Variants in EZR observed in about 807,000 individuals in gnomAD.
EZR encodes cytovillin 2.
Under a neutral mutation model 74.8 loss-of-function variants are expected in EZR, and 40 were observed. The ratio of observed to expected loss-of-function variants is 0.53; its 90% CI spans 0.42 to 0.70. EZR has a LOEUF of 0.70. Ranked by LOEUF, EZR falls within the 30% of genes least tolerant of loss-of-function variation. The pLI, the probability that EZR is intolerant of heterozygous loss-of-function variation, is 0.00. For missense variants in EZR, 678 were observed against 755.8 expected (o/e 0.90, Z 1.21); for synonymous variants, 341 against 283.3 (o/e 1.20, Z -2.05).
intron 7 of EZR, among the ~76,000 whole-genome samples, chr6:158,780,488 G>C (rs1402088585): frequency 6.6e-6 from 1 of 152,168 alleles, no homozygotes; most frequent in African/African-American, 2.4e-5. Flanking sequence ...AAAGAGACGT[G>C]AGAAAGCAAG....
chr6:158,804,178 CTAAT>C (rs1446804850), intron 2 of EZR, among the ~76,000 whole-genome samples: 6 of 151,998 alleles, frequency 3.9e-5, no homozygotes, highest in African/African-American at 7.3e-5. Flanking sequence ...GTGAGTGTCT[CTAAT>C]TAAGAACCAA....
chr6:158,809,069 C>T (rs999888221), intron 2 of EZR, among the ~76,000 whole-genome samples: 3 of 152,224 alleles, frequency 2.0e-5, no homozygotes, highest in Non-Finnish European at 4.4e-5. Context: ...TGCACTCGTG[C>T]TTGAGCAACA....
At position 158,765,936 on chromosome 6, in the gene EZR, AAC is replaced by A. The variant is rs1790762353; in HGVS notation, c.*976_*977del. ...GACTGCAAACAAACAAACACAAGCA[AAC>A]AGAGTCTCTTCACAGCTGGAGTCTG... is the stretch of plus-strand genomic sequence containing the variant. On this transcript the variant is annotated 3_prime_UTR_variant, in exon 14 of 14. Transcript: ENST00000367075. The A allele has an allele frequency of 6.7e-6, 1 of 150,146 alleles. No individual in the cohort carries two copies. The highest frequency in any genetic ancestry group is 2.1e-4 in the South Asian group (1 of 4,812). 9.3% of individuals were successfully genotyped at this position (150,146 alleles called of 1,614,324 possible).
intron 3 of EZR, among the ~76,000 whole-genome samples, chr6:158,787,741 A>C (rs986949243): frequency 2.6e-5 from 4 of 152,236 alleles, no homozygotes; most frequent in African/African-American, 9.6e-5. Context: ...AGGCAGGAAA[A>C]CAGGCAAGGC....
At chr6:158,798,241 C>T (rs779739265) in intron 2 of EZR, among the ~76,000 whole-genome samples, 85 of 116,660 alleles carry the variant, frequency 7.3e-4, no homozygotes, top group Non-Finnish European at 1.5e-3. Context: ...GGACATTTAA[C>T]TTGCTCCTTG....
chr6:158,771,120 TG>T, intron 9 of EZR, 123 bp downstream of exon 9: 1 of 1,415,298 alleles, frequency 7.1e-7, no homozygotes, highest in Non-Finnish European at 9.5e-7. Flanking sequence ...GATCCCAGCG[TG>T]GTGACTGGGT....
chr6:158,769,786 G>T lies in EZR; in HGVS notation c.1249C>A (p.Leu417Met), dbSNP rs900927046. Residue 417 changes from leucine (L) to methionine (M), a missense_variant and splice_region_variant, in exon 11 of 14, where the codon CTG becomes ATG. This residue lies in a region of EZR where 342 missense variants were observed against 341.2 expected (regional missense o/e 1.00). Transcript: ENST00000367075. ...AVDQIKSQEQ[L>M]AAELAEYTAK... ...CTTGAAACTCAGGCCATTCCTACCA[G>T]CTGCTCCTGGCTCTTTATCTGATCC... The T allele has an allele frequency of 6.2e-7, 1 of 1,613,722 alleles. No homozygotes were observed. The highest frequency in any genetic ancestry group is 1.1e-5 in the South Asian group (1 of 91,078).
At chr6:158,803,582 C>CATATATAT (rs60495898) in intron 2 of EZR, among the ~76,000 whole-genome samples, 2 of 43,662 alleles carry the variant, frequency 4.6e-5, no homozygotes, top group Non-Finnish European at 9.9e-5. Context: ...TATATATATA[C>CATATATAT]ATATATATAT....
intron 1 of EZR, among the ~76,000 whole-genome samples, chr6:158,818,397 G>A (rs1247412182): frequency 3.3e-5 from 5 of 151,382 alleles, no homozygotes; most frequent in African/African-American, 1.2e-4. Context: ...GCGCCCAAGG[G>A]GCAGCCGGCG....
At chr6:158,816,458 T>C (rs1410181759) in intron 2 of EZR, among the ~76,000 whole-genome samples, 2 of 152,166 alleles carry the variant, frequency 1.3e-5, no homozygotes, top group Non-Finnish European at 2.9e-5. Flanking sequence ...ACCTCTTCTT[T>C]TAGTGAAATA....
At position 158,771,284 on chromosome 6, in the gene EZR, C is replaced by A. The variant is rs780174100; in HGVS notation, c.919G>T (p.Ala307Ser). The A allele has an allele frequency of 1.2e-6, 2 of 1,614,182 alleles. No individual in the cohort carries two copies. The highest frequency in any genetic ancestry group is 2.2e-5 in the East Asian group (1 of 44,888). ...PDTIEVQQMK[A>S]QAREEKHQKQ... is the part of the protein sequence containing the mutation. ...TGATGCTTCTCCTCCCGGGCCTGGGCCTTCATCTGCTGCACCTCGATGGTG... is the reference window on the plus strand; with the variant it reads ...TGATGCTTCTCCTCCCGGGCCTGGGACTTCATCTGCTGCACCTCGATGGTG... The change falls in exon 9 of 14, where the codon GCC becomes TCC. Residue 307 changes from alanine (A) to serine (S), a missense_variant. Physicochemically the swap from Ala to Ser is moderately conservative, Grantham distance 99. Around this residue, in one of 3 missense-constraint regions of EZR, gnomAD observed 119 missense variants for 182.3 expected, o/e 0.65. Coordinates refer to ENST00000367075, the MANE Select transcript of EZR (RefSeq NM_001111077.2).
At chr6:158,771,894 G>A (rs1189091785) in intron 8 of EZR, among the ~76,000 whole-genome samples, 1 of 152,064 alleles carries the variant, frequency 6.6e-6, no homozygotes, top group Non-Finnish European at 1.5e-5. Flanking sequence ...GCTGCTATTT[G>A]GGCTTCCTGT....
chr6:158,793,859 GATAAA>G (rs1791805972), intron 2 of EZR, among the ~76,000 whole-genome samples: 2 of 152,298 alleles, frequency 1.3e-5, no homozygotes, highest in Admixed American at 1.3e-4. Flanking sequence ...CAATGTTATA[GATAAA>G]ATAATGTGCT....
intron 2 of EZR, among the ~76,000 whole-genome samples, chr6:158,804,994 A>G (rs1777303162): frequency 7.3e-6 from 1 of 137,806 alleles, no homozygotes; most frequent in Admixed American, 8.1e-5. Context: ...ATTCCCACCT[A>G]TGAGTGAGAA....
intron 2 of EZR, among the ~76,000 whole-genome samples, chr6:158,797,087 G>A (rs1169124561): frequency 6.6e-6 from 1 of 151,894 alleles, no homozygotes; most frequent in Admixed American, 6.6e-5. Context: ...TTTTCCTTTG[G>A]GAAGCATCCA....
chr6:158,789,568 C>G, intron 2 of EZR, 197 bp from the exon 3 acceptor site: 1 of 731,680 alleles, frequency 1.4e-6, no homozygotes, highest in Non-Finnish European at 2.5e-6. Flanking sequence ...ACAGTGCAAA[C>G]CAAACGCAGC....
At chr6:158,818,592 C>G (rs1166726998) in intron 1 of EZR, among the ~76,000 whole-genome samples, 1 of 116,208 alleles carries the variant, frequency 8.6e-6, no homozygotes, top group African/African-American at 3.4e-5. Flanking sequence ...CCAGGAGGGT[C>G]AGGGGAGAGA....
At position 158,807,712 on chromosome 6, in the gene EZR, C is replaced by T. The variant is rs562602966; in HGVS notation, c.12+10370G>A. ...CTAGGTGAAAATTTACAGTAGCACG[C>T]TCACCACCCCCTGACGATGTATTAG... On this transcript the variant is annotated intron_variant, in intron 2 of 13. Transcript: ENST00000367075. 3.3e-5 allele frequency among the ~76,000 whole-genome samples: 5 copies of T among 152,284 alleles called. No homozygotes were observed. In the South Asian group the frequency reaches 6.2e-4, roughly 19 times the overall value.
At chr6:158,776,105 A>C (rs1016589119) in intron 8 of EZR, among the ~76,000 whole-genome samples, 13 of 152,346 alleles carry the variant, frequency 8.5e-5, no homozygotes, top group South Asian at 4.1e-4. Flanking sequence ...GAGTCCCTGC[A>C]CCCAGGTGGT....
Sources: allele counts gnomAD v4.1 joint callset (sites outside exome capture counted in the v4.1 genomes callset), GRCh38; gene constraint gnomAD v4.1.1; regional missense constraint gnomAD v4.1.1; transcripts MANE v1.5; gene names NCBI Gene and HGNC (gene_info 2026-07-23, HGNC 2026-07-21).